CDK8: variants seen among roughly 807,000 people sequenced by gnomAD.
CDK8 encodes the protein cyclin dependent kinase 8.
Under a neutral mutation model 71.5 loss-of-function variants are expected in CDK8, and 29 were observed. The observed-to-expected ratio is 0.41, with a 90% CI of 0.30 to 0.55. CDK8 has a LOEUF of 0.55. Ranked by LOEUF, CDK8 falls within the 20% of genes least tolerant of loss-of-function variation. The pLI is 0.37. For missense variants in CDK8, 288 were observed against 572.6 expected (o/e 0.50, Z 5.07); for synonymous variants, 161 against 192.1 (o/e 0.84, Z 1.34).
In CDK8 at chr13:26,263,968, T is replaced by C. The variant is rs771625227; in HGVS notation, c.128+9199T>C. Among the ~76,000 whole-genome samples, 33 of 145,448 alleles carry C rather than the reference T, an allele frequency of 2.3e-4. 1 individual carries two copies. Among genetic ancestry groups the C allele is most frequent in the Admixed American group, 9.0e-4 (13 of 14,480 alleles). On this transcript the variant is annotated intron_variant, in intron 1 of 12. Transcript: ENST00000381527. ...TTCATCGTGTTAGCCAGGATGGTCT[T>C]GATCTCCTGACCTCGTGATCCGCCC...
chr13:26,395,794 T>A lies in CDK8; in HGVS notation c.791-491T>A, dbSNP rs1330113738. Among the ~76,000 whole-genome samples the A allele has an allele frequency of 2.0e-5, 3 of 152,118 alleles. No individual in the cohort carries two copies. The East Asian group carries it at 5.8e-4, about 29-fold the overall frequency. On this transcript the variant is annotated intron_variant, in intron 7 of 12. Coordinates refer to ENST00000381527, the MANE Select transcript of CDK8 (RefSeq NM_001260.3). ...ATTACCCCTTCTTCCATTGATTGCT[T>A]ATGTAAAGAAATATATTTAACAAGG...
At chr13:26,364,521 G>A (rs1013776359) in intron 4 of CDK8, among the ~76,000 whole-genome samples, 4 of 152,014 alleles carry the variant, frequency 2.6e-5, no homozygotes, top group Admixed American at 2.6e-4. Context: ...GCGGTTAGGA[G>A]GGATTATATA....
intron 6 of CDK8, among the ~76,000 whole-genome samples, chr13:26,389,346 GAC>G (rs1306401280): frequency 2.0e-5 from 3 of 151,946 alleles, no homozygotes; most frequent in African/African-American, 7.3e-5. Context: ...TTTTAGTAGA[GAC>G]AGGGTTTTGC....
chr13:26,282,432 T>A (rs570164697), intron 1 of CDK8, among the ~76,000 whole-genome samples: 1 of 152,224 alleles, frequency 6.6e-6, no homozygotes, highest in East Asian at 1.9e-4. Flanking sequence ...ACAAACAAAA[T>A]AATTGCCAGC....
intron 1 of CDK8, among the ~76,000 whole-genome samples, chr13:26,318,055 AAG>A (rs1491242367): frequency 6.6e-6 from 1 of 152,102 alleles, no homozygotes; most frequent in Non-Finnish European, 1.5e-5. Flanking sequence ...AGAAAAAAAA[AAG>A]AGCAGACTTA....
chr13:26,304,142 G>A (rs572996517), intron 1 of CDK8, among the ~76,000 whole-genome samples: 30 of 150,322 alleles, frequency 2.0e-4, no homozygotes. Flanking sequence ...GTAGGCGCCT[G>A]TAATTCCAGC....
At chr13:26,315,279 G>C (rs1874457572) in intron 1 of CDK8, among the ~76,000 whole-genome samples, 1 of 152,208 alleles carries the variant, frequency 6.6e-6, no homozygotes, top group Non-Finnish European at 1.5e-5. Context: ...ACTTTAGGTA[G>C]TGTTTTGTAA....
Position 26,311,874 on chromosome 13 carries a change from A to G in CDK8, c.129-25693A>G, listed in dbSNP as rs675354. The stretch of plus-strand genomic sequence containing the variant: ...TCTGACCCATTGTCTTTTGTGGCAC[A>G]TAGTTACATTAGGTAAAAGTAGATA... On this transcript the variant is annotated intron_variant, in intron 1 of 12. Coordinates refer to ENST00000381527, the MANE Select transcript of CDK8 (RefSeq NM_001260.3). 2.7e-3 allele frequency among the ~76,000 whole-genome samples: 414 copies of G among 152,358 alleles called. 4 individuals carry two copies. The highest frequency in any genetic ancestry group is 9.5e-3 in the African/African-American group (396 of 41,586).
At chr13:26,393,230 G>A (rs1273810768) in intron 6 of CDK8, 137 bp from the exon 7 acceptor site, 1 of 576,426 alleles carries the variant, frequency 1.7e-6, no homozygotes, top group African/African-American at 1.9e-5. Context: ...GAGTTATTAG[G>A]GAAAGAAAGA....
intron 2 of CDK8, among the ~76,000 whole-genome samples, chr13:26,338,033 T>C (rs1435321784): frequency 6.6e-6 from 1 of 152,112 alleles, no homozygotes; most frequent in Non-Finnish European, 1.5e-5. Flanking sequence ...ATTATTTGAT[T>C]TTCATTGCTT....
At chr13:26,396,952 T>C (rs1876023243) in intron 8 of CDK8, among the ~76,000 whole-genome samples, 1 of 152,112 alleles carries the variant, frequency 6.6e-6, no homozygotes. Flanking sequence ...CATTTAATCA[T>C]CGGTATCCTT....
At chr13:26,278,385 T>C (rs1318472296) in intron 1 of CDK8, among the ~76,000 whole-genome samples, 1 of 152,190 alleles carries the variant, frequency 6.6e-6, no homozygotes, top group Non-Finnish European at 1.5e-5. Flanking sequence ...ATATAGACAG[T>C]GTAGAAGGGC....
At chr13:26,337,722 T>C (rs1321720707) in intron 2 of CDK8, 80 bp downstream of exon 2, 1 of 521,172 alleles carries the variant, frequency 1.9e-6, no homozygotes. Context: ...ATTGTATTTG[T>C]CATATTAATT....
At chr13:26,257,424 C>A (rs1282319660) in intron 1 of CDK8, among the ~76,000 whole-genome samples, 1 of 152,152 alleles carries the variant, frequency 6.6e-6, no homozygotes, top group Non-Finnish European at 1.5e-5. Context: ...TTACTTGAGG[C>A]ATGATTGCAT....
At chr13:26,314,315 C>T (rs570025960) in intron 1 of CDK8, among the ~76,000 whole-genome samples, 1 of 152,264 alleles carries the variant, frequency 6.6e-6, no homozygotes, top group Non-Finnish European at 1.5e-5. Flanking sequence ...ATAACAGTTA[C>T]TAAGAACATT....
intron 6 of CDK8, 131 bp downstream of exon 6, chr13:26,385,473 G>T (rs2138050837): frequency 8.7e-6 from 6 of 687,058 alleles, no homozygotes; most frequent in Non-Finnish European, 1.3e-5. Context: ...GATGGCTCAT[G>T]CCTGTAATCC....
At chr13:26,302,108 C>T (rs1293624308) in intron 1 of CDK8, among the ~76,000 whole-genome samples, 2 of 152,174 alleles carry the variant, frequency 1.3e-5, no homozygotes, top group African/African-American at 2.4e-5. Flanking sequence ...CTCTAAAAAA[C>T]ACAAAACAAT....
chr13:26,400,345 T>G (rs61944784), intron 9 of CDK8, 108 bp from the exon 10 acceptor site: 28,468 of 696,400 alleles, frequency 0.041, 1,066 homozygotes, highest in African/African-American at 0.11. Flanking sequence ...ATAAATATTT[T>G]CCAAATTGTG....
At chr13:26,296,008 C>T (rs1873543320) in intron 1 of CDK8, among the ~76,000 whole-genome samples, 5 of 152,246 alleles carry the variant, frequency 3.3e-5, no homozygotes, top group African/African-American at 9.6e-5. Flanking sequence ...CTGAGCACTG[C>T]ACCACAGACG....
Sources: allele counts gnomAD v4.1 joint callset (sites outside exome capture counted in the v4.1 genomes callset), GRCh38; gene constraint gnomAD v4.1.1; transcripts MANE v1.5; gene names NCBI Gene and HGNC (gene_info 2026-07-23, HGNC 2026-07-21).